The following ITCH variants were observed in gnomAD, a reference collection of about 807,000 sequenced individuals.
ITCH encodes itchy E3 ubiquitin protein ligase.
ITCH carries 28 observed loss-of-function variants against 126.8 expected under a neutral mutation model. The observed-to-expected ratio is 0.22, with a 90% CI of 0.16 to 0.30. The LOEUF (loss-of-function observed/expected upper bound fraction) is 0.30, where lower values mean the gene tolerates loss of function less well. Ranked by LOEUF, ITCH falls within the 10% of genes least tolerant of loss-of-function variation. ITCH has a pLI of 1.00. For synonymous variants in ITCH, 342 were observed against 340.0 expected (o/e 1.01, Z -0.06); for missense variants, 631 against 1,032.4 (o/e 0.61, Z 5.33).
chr20:34,432,126 A>G (rs1568933795), intron 7 of ITCH, among the ~76,000 whole-genome samples: 1 of 152,092 alleles, frequency 6.6e-6, no homozygotes, highest in Non-Finnish European at 1.5e-5. Flanking sequence ...TAGATTAATA[A>G]GCTAGGGAAA....
intron 16 of ITCH, 111 bp downstream of exon 16, chr20:34,471,626 G>C (rs1987626843): frequency 1.4e-6 from 1 of 736,886 alleles, no homozygotes. Flanking sequence ...TGAAGTCCTT[G>C]AATTTTTCAA....
chr20:34,400,896 T>A (rs932658220), intron 3 of ITCH, among the ~76,000 whole-genome samples: 1 of 152,120 alleles, frequency 6.6e-6, no homozygotes. Context: ...TAGCTGGTAT[T>A]GCAGGCATGC....
At chr20:34,458,507 T>C (rs1986230511) in intron 13 of ITCH, among the ~76,000 whole-genome samples, 2 of 152,220 alleles carry the variant, frequency 1.3e-5, no homozygotes, top group Admixed American at 1.3e-4. Context: ...TATAATAGTA[T>C]GCATATTAGT....
chr20:34,401,779 C>A, intron 3 of ITCH: 1 of 247,528 alleles, frequency 4.0e-6, no homozygotes, highest in Non-Finnish European at 6.4e-6. Context: ...AAAAAAACCA[C>A]TAAGATGTCC....
At chr20:34,401,188 C>CTTA (rs1160866450) in intron 3 of ITCH, among the ~76,000 whole-genome samples, 1 of 152,058 alleles carries the variant, frequency 6.6e-6, no homozygotes, top group African/African-American at 2.4e-5. Context: ...AGTCTGTTTT[C>CTTA]TTATGTCCTT....
At chr20:34,430,055 G>T (rs1207139848) in intron 7 of ITCH, among the ~76,000 whole-genome samples, 2 of 152,166 alleles carry the variant, frequency 1.3e-5, no homozygotes, top group African/African-American at 2.4e-5. Flanking sequence ...GGCATTTGGT[G>T]ATTAGAAAGT....
chr20:34,415,318 G>A (rs575689763), intron 6 of ITCH, among the ~76,000 whole-genome samples: 98 of 152,244 alleles, frequency 6.4e-4, no homozygotes, highest in Admixed American at 3.8e-3. Context: ...CAGCACTTTG[G>A]GAGGCTGAGG....
Position 34,507,968 on chromosome 20 carries a change from C to T in ITCH, c.*174C>T. 3.3e-6 allele frequency: 2 copies of T among 601,728 alleles called. No homozygotes were observed. Among genetic ancestry groups the T allele is most frequent in the East Asian group, 6.0e-5 (2 of 33,216 alleles). 37.3% of individuals were successfully genotyped at this position (601,728 alleles called of 1,614,324 possible). On this transcript the variant is annotated 3_prime_UTR_variant, in exon 25 of 25. Coordinates refer to ENST00000374864, the MANE Select transcript of ITCH (RefSeq NM_031483.7). ...CCCAGTGATTTCTACTCAGCGTTTC[C>T]AGAAATCAGGTCTGCAAATGACTAG...
chr20:34,464,568 C>T (rs1014884912), intron 14 of ITCH, among the ~76,000 whole-genome samples: 2 of 151,786 alleles, frequency 1.3e-5, no homozygotes. Context: ...CTCAGGTGAT[C>T]CGCCCGCCTC....
chr20:34,468,118 T>G (rs1271694159), intron 14 of ITCH, among the ~76,000 whole-genome samples: 2 of 149,592 alleles, frequency 1.3e-5, no homozygotes, highest in Non-Finnish European at 3.0e-5. Context: ...CACTGCAAGC[T>G]CTGCCTCCCG....
chr20:34,408,637 T>C lies in ITCH; in HGVS notation c.71-14T>C. On this transcript the variant is annotated splice_polypyrimidine_tract_variant and intron_variant, in intron 3 of 24. Transcript: ENST00000374864. ...ATCTCAACTATTGAAATGTTTTTCA[T>C]TTCTTTTACATAGTCATCTCAGCAA... The C allele has an allele frequency of 6.2e-7, 1 of 1,608,072 alleles. No homozygotes were observed. Among genetic ancestry groups the C allele is most frequent in the South Asian group, 1.1e-5 (1 of 90,844 alleles).
rs773248918 is a variant in ITCH, at chr20:34,489,842, A to G, written c.2235A>G (p.Gln745=). 1.2e-6 allele frequency: 2 copies of G among 1,610,204 alleles called. No homozygotes were observed. The highest frequency in any genetic ancestry group is 3.3e-5 in the Admixed American group (2 of 60,010). ...KELEVLLCGM[Q]EIDLNDWQRH... The stretch of plus-strand genomic sequence containing the variant: ...TAAAGGTCCTTTTATGTGGAATGCA[A>G]GAGATTGATTTGAATGACTGGCAAA... The change falls in exon 22 of 25, where the codon CAA becomes CAG. Residue 745 remains glutamine, a synonymous_variant. Coordinates refer to ENST00000374864, the MANE Select transcript of ITCH (RefSeq NM_031483.7).
intron 2 of ITCH, among the ~76,000 whole-genome samples, chr20:34,371,265 T>A (rs1601734585): frequency 2.8e-5 from 4 of 142,612 alleles, no homozygotes; most frequent in Admixed American, 1.4e-4. Flanking sequence ...CCAAAGGAAA[T>A]AAAATCACTT....
At chr20:34,370,329 A>G (rs1275339136) in intron 2 of ITCH, among the ~76,000 whole-genome samples, 1 of 151,984 alleles carries the variant, frequency 6.6e-6, no homozygotes, top group East Asian at 1.9e-4. Flanking sequence ...AATAATACCT[A>G]TTAAATCTTT....
chr20:34,379,062 G>A (rs2037954458), intron 2 of ITCH, among the ~76,000 whole-genome samples: 1 of 152,128 alleles, frequency 6.6e-6, no homozygotes, highest in African/African-American at 2.4e-5. Context: ...ATTGAAATGT[G>A]CAGAACCCTG....
chr20:34,476,049 A>G lies in ITCH; in HGVS notation c.1570-1723A>G, dbSNP rs187326476. ...CAGCCCAACTGTGATCTGTTAGTCC[A>G]TATGCCAGATCGAGCATGTGATTCT... On this transcript the variant is annotated intron_variant, in intron 16 of 24. Transcript: ENST00000374864. 312 of 1,322,714 alleles carry G rather than the reference A, an allele frequency of 2.4e-4. No homozygotes were observed. The African/African-American group carries it at 4.0e-3, about 17-fold the overall frequency. The allele number at this position is 1,322,714 out of a possible 1,614,324, so 81.9% of individuals were successfully genotyped here. A position where few individuals can be genotyped will look rare whatever the true frequency, so the allele number is the denominator to read the frequency against.
intron 15 of ITCH, 86 bp downstream of exon 15, chr20:34,470,206 A>G: frequency 9.8e-7 from 1 of 1,015,494 alleles, no homozygotes; most frequent in Non-Finnish European, 1.6e-6. Flanking sequence ...TACTTAACTC[A>G]CAGAAAAACA....
At chr20:34,374,756 A>G (rs113305675) in intron 2 of ITCH, among the ~76,000 whole-genome samples, 2 of 149,480 alleles carry the variant, frequency 1.3e-5, no homozygotes, top group South Asian at 2.1e-4. Context: ...TTTTTGAGAC[A>G]GAGTTTCACT....
chr20:34,394,840 G>A (rs554153781), intron 3 of ITCH, among the ~76,000 whole-genome samples: 1 of 152,140 alleles, frequency 6.6e-6, no homozygotes, highest in South Asian at 2.1e-4. Context: ...GAATTCAGAG[G>A]GCTCGAAGAA....
Sources: gnomAD v4.1 joint callset for allele counts (sites outside exome capture counted in the v4.1 genomes callset) on GRCh38, gnomAD v4.1.1 for gene constraint, MANE v1.5 for transcripts, NCBI Gene and HGNC (gene_info 2026-07-23, HGNC 2026-07-21) for gene names.